The following AP2A2 variants were observed in gnomAD, a reference collection of about 807,000 sequenced individuals.
The protein encoded by AP2A2 is adaptor related protein complex 2 subunit alpha 2, also known as AP-2 complex subunit alpha-2.
AP2A2 carries 32 observed loss-of-function variants against 104.2 expected under a neutral mutation model. The observed-to-expected ratio is 0.31, with a 90% confidence interval of 0.23 to 0.41. The LOEUF is 0.41. Among genes scored for constraint, AP2A2 ranks in the 10% least tolerant of loss-of-function variants. AP2A2 has a pLI of 1.00. For synonymous variants in AP2A2, 539 were observed against 533.3 expected (o/e 1.01, Z -0.15); for missense variants, 912 against 1,261.0 (o/e 0.72, Z 4.19).
Position 993,643 on chromosome 11 carries a change from G to A in AP2A2, c.1551-111G>A. On this transcript the variant is annotated intron_variant, in intron 12 of 21. Transcript: ENST00000448903. The surrounding 1 kb of genome is among the most constrained non-coding windows in gnomAD (Gnocchi z 8.2). The stretch of plus-strand genomic sequence containing the variant: ...TGGAGCTGGAAGAGGGTCCCGACCA[G>A]CGGCCTCTGGTGCAGGCCAGGGGGT... 2 of 815,634 alleles carry A rather than the reference G, an allele frequency of 2.5e-6. No individual in the cohort carries two copies. The highest frequency in any genetic ancestry group is 3.8e-6 in the Non-Finnish European group (2 of 521,350). The allele number at this position is 815,634 out of a possible 1,614,324, so 50.5% of individuals were successfully genotyped here.
At chr11:1,008,312 CAA>C in intron 18 of AP2A2, 177 bp downstream of exon 18, 2 of 977,072 alleles carry the variant, frequency 2.0e-6, no homozygotes, top group Non-Finnish European at 2.8e-6. Context: ...GCGCAGGAAA[CAA>C]GGGGAGGCGG....
intron 1 of AP2A2, among the ~76,000 whole-genome samples, chr11:932,018 C>A (rs1487500354): frequency 2.6e-5 from 4 of 152,050 alleles, no homozygotes; most frequent in African/African-American, 9.7e-5. Context: ...CCAGGATGAT[C>A]TCGATCTCCT....
chr11:991,270 G>A (rs1855645711), intron 10 of AP2A2, among the ~76,000 whole-genome samples: 2 of 152,238 alleles, frequency 1.3e-5, no homozygotes, highest in Admixed American at 6.5e-5. Context: ...CTGCCTACTC[G>A]GCACCTTGCC....
intron 5 of AP2A2, among the ~76,000 whole-genome samples, chr11:977,918 T>C (rs1312708024): frequency 1.3e-5 from 2 of 152,152 alleles, no homozygotes; most frequent in Non-Finnish European, 2.9e-5. Flanking sequence ...AGAATGCCAC[T>C]TTCCCATGTT....
In AP2A2 at chr11:968,109, T is replaced by TG. The variant is rs1440715640; in HGVS notation, c.137-2057dup. On this transcript the variant is annotated intron_variant, in intron 2 of 21. Transcript: ENST00000448903. The surrounding 1 kb of genome is among the most constrained non-coding windows in gnomAD (Gnocchi z 4.2). ...CATTGCTGCTTGTTTCCTGTGGCCC[T>TG]GGGTTAGGCCAGGAATCCACGTGCT... Among the ~76,000 whole-genome samples, 2 of 151,560 alleles carry TG rather than the reference T, an allele frequency of 1.3e-5. No homozygotes were observed. The highest frequency in any genetic ancestry group is 2.9e-5 in the Non-Finnish European group (2 of 67,940).
In AP2A2 at chr11:984,642, C is replaced by T. The variant is rs532608037; in HGVS notation, c.706-3C>T. On this transcript the variant is annotated splice_region_variant and splice_polypyrimidine_tract_variant and intron_variant, in intron 6 of 21. Transcript: ENST00000448903. ...GTGTCTCATTGCCTGTGCTGTCTTA[C>T]AGATCGTGACGTCTGCATCCACAGA... 1 of 1,608,028 alleles carries T rather than the reference C, an allele frequency of 6.2e-7. No individual in the cohort carries two copies. Among genetic ancestry groups the T allele is most frequent in the South Asian group, 1.1e-5 (1 of 90,982 alleles).
chr11:959,339 C>T lies in AP2A2; in HGVS notation c.68-98C>T, dbSNP rs899324625. ...TTTCTCCTGCCTTGAAACGGGGCCT[C>T]ATCCCATTCGTGAGTTCTGAGTGTC... On this transcript the variant is annotated intron_variant, in intron 1 of 21. Transcript: ENST00000448903. The T allele has an allele frequency of 7.3e-6, 6 of 822,508 alleles. No individual in the cohort carries two copies. The South Asian group carries it at 9.2e-5, about 13-fold the overall frequency. The allele number at this position is 822,508 out of a possible 1,614,324, so 51.0% of individuals were successfully genotyped here.
chr11:975,729 T>C (rs1200534808), intron 4 of AP2A2, among the ~76,000 whole-genome samples: 1 of 92,884 alleles, frequency 1.1e-5, no homozygotes, highest in African/African-American at 4.0e-5. Context: ...GGCGAGTAGC[T>C]GTGGGATCCT....
At chr11:994,583 C>T (rs1326175312) in intron 14 of AP2A2, among the ~76,000 whole-genome samples, 9 of 143,878 alleles carry the variant, frequency 6.3e-5, no homozygotes, top group South Asian at 2.3e-4. Flanking sequence ...CTGGACGCCC[C>T]GTTGTCCTGT....
intron 1 of AP2A2, among the ~76,000 whole-genome samples, chr11:945,056 A>G (rs188108690): frequency 2.0e-3 from 302 of 152,108 alleles, no homozygotes; most frequent in Non-Finnish European, 1.7e-3. Flanking sequence ...CAGGCATGGA[A>G]TGCAGGGGTG....
In AP2A2 at chr11:930,343, TC is replaced by T. The variant is rs530221466; in HGVS notation, c.67+4256del. ...CCCTCAAAGTTGTAGCTTTTGTGGC[TC>T]AGGTAGTGAACTAACTTAATGTCTC... is the stretch of plus-strand genomic sequence containing the variant. On this transcript the variant is annotated intron_variant, in intron 1 of 21. Transcript: ENST00000448903. 1.6e-3 allele frequency among the ~76,000 whole-genome samples: 251 copies of T among 152,228 alleles called. 2 individuals carry two copies. The highest frequency in any genetic ancestry group is 3.4e-3 in the Middle Eastern group (1 of 294).
At chr11:959,413 A>C in intron 1 of AP2A2, 24 bp from the exon 2 acceptor site, 1 of 1,443,944 alleles carries the variant, frequency 6.9e-7, no homozygotes, top group Non-Finnish European at 9.7e-7. Context: ...TAAAATAAAA[A>C]TGGCTTTTTG....
intron 2 of AP2A2, among the ~76,000 whole-genome samples, chr11:966,768 G>A (rs1854631287): frequency 6.6e-6 from 1 of 152,208 alleles, no homozygotes; most frequent in Non-Finnish European, 1.5e-5. Flanking sequence ...CTGGTGGCCA[G>A]TCAGGGCACT....
At chr11:976,147 C>T (rs923004841) in intron 4 of AP2A2, among the ~76,000 whole-genome samples, 4 of 152,138 alleles carry the variant, frequency 2.6e-5, no homozygotes, top group Admixed American at 6.5e-5. Context: ...TCCACATGGA[C>T]GCATGGCAGG....
At chr11:967,638 G>A (rs575808648) in intron 2 of AP2A2, among the ~76,000 whole-genome samples, 1 of 152,256 alleles carries the variant, frequency 6.6e-6, no homozygotes, top group East Asian at 1.9e-4. Flanking sequence ...GGGATTACAG[G>A]CGTGAGCCAC....
chr11:994,005 C>T lies in AP2A2; in HGVS notation c.1782+20C>T, dbSNP rs368599800. 1.2e-5 allele frequency: 20 copies of T among 1,609,244 alleles called. No individual in the cohort carries two copies. Among genetic ancestry groups the T allele is most frequent in the African/African-American group, 9.3e-5 (7 of 74,968 alleles). On this transcript the variant is annotated intron_variant, in intron 13 of 21. Coordinates refer to ENST00000448903, the MANE Select transcript of AP2A2 (RefSeq NM_012305.4). ...ATTCTGGTAGGAGGCCCCCGCCCTT[C>T]GGGCTGGCTTGGCTGAGGGTTGGAG...
chr11:1,003,051 G>A (rs1235943861), intron 15 of AP2A2, among the ~76,000 whole-genome samples: 1 of 152,258 alleles, frequency 6.6e-6, no homozygotes, highest in Non-Finnish European at 1.5e-5. Context: ...GTTTCCTAGA[G>A]GAGGTCAGAA....
intron 8 of AP2A2, 122 bp from the exon 9 acceptor site, chr11:986,663 T>C: frequency 8.3e-7 from 1 of 1,211,546 alleles, no homozygotes; most frequent in Non-Finnish European, 1.1e-6. Flanking sequence ...AGCAGTGTGG[T>C]GGCGGTGAGT....
At chr11:927,974 G>C (rs1308985031) in intron 1 of AP2A2, among the ~76,000 whole-genome samples, 1 of 152,160 alleles carries the variant, frequency 6.6e-6, no homozygotes. Context: ...CTGGGACAAA[G>C]ACTGAGTACC....
Sources: gnomAD v4.1 joint callset for allele counts (sites outside exome capture counted in the v4.1 genomes callset) on GRCh38, gnomAD v4.1.1 for gene constraint, Gnocchi (gnomAD v3.1) non-coding constraint, MANE v1.5 for transcripts, NCBI Gene and HGNC (gene_info 2026-07-23, HGNC 2026-07-21) for gene names.